Variants in PRR16 observed in about 807,000 individuals in gnomAD.
PRR16 encodes the protein protein Largen.
In PRR16, 6 loss-of-function variants were observed where a neutral mutation model predicts 18.2. The ratio of observed to expected loss-of-function variants is 0.33; its 90% CI spans 0.18 to 0.65. The LOEUF is 0.65. Ranked by LOEUF, PRR16 falls within the 30% of genes least tolerant of loss-of-function variation. The pLI is 0.74. For missense variants in PRR16, 412 were observed against 376.6 expected, an observed-to-expected ratio of 1.09 and a Z score of -0.78; for synonymous variants, 151 against 147.8, an observed-to-expected ratio of 1.02 and a Z score of -0.16.
the PRR16 span, among the ~76,000 whole-genome samples, chr5:120,728,748 G>A: frequency 6.6e-6 from 1 of 152,134 alleles, no homozygotes; most frequent in Admixed American, 6.6e-5. Context: ...GCACTCAAGT[G>A]CCTAATTTTT....
At chr5:120,764,469 G>T in the PRR16 span, among the ~76,000 whole-genome samples, 19 of 151,504 alleles carry the variant, frequency 1.3e-4, no homozygotes, top group Admixed American at 1.3e-3. Flanking sequence ...CTAGTATTTT[G>T]TTGAAGATTT....
At chr5:120,652,003 A>G (rs550376267) in intron 1 of PRR16, among the ~76,000 whole-genome samples, 2 of 151,908 alleles carry the variant, frequency 1.3e-5, no homozygotes, top group South Asian at 4.2e-4. Context: ...CTTTTATTTC[A>G]TTGAGCAGTG....
At chr5:120,656,531 C>T (rs1188944598) in intron 1 of PRR16, among the ~76,000 whole-genome samples, 2 of 149,350 alleles carry the variant, frequency 1.3e-5, no homozygotes, top group Non-Finnish European at 3.0e-5. Context: ...AGGGAAAAAT[C>T]GTTATAAGTA....
the PRR16 span, among the ~76,000 whole-genome samples, chr5:120,764,714 G>C: frequency 9.2e-5 from 14 of 152,154 alleles, no homozygotes; most frequent in African/African-American, 3.4e-4. Context: ...AATGCATTTA[G>C]AAGTTCTTAA....
chr5:120,578,709 T>A (rs1385807365), intron 1 of PRR16, among the ~76,000 whole-genome samples: 1 of 152,182 alleles, frequency 6.6e-6, no homozygotes, highest in African/African-American at 2.4e-5. Flanking sequence ...AGTAAACATA[T>A]GTGTGCATGT....
At chr5:120,754,147 T>A in the PRR16 span, among the ~76,000 whole-genome samples, 4 of 36,298 alleles carry the variant, frequency 1.1e-4, no homozygotes, top group Admixed American at 4.1e-4. Context: ...TAATATATAA[T>A]ATATAAATAT....
At chr5:120,750,966 T>A in the PRR16 span, among the ~76,000 whole-genome samples, 1 of 152,294 alleles carries the variant, frequency 6.6e-6, no homozygotes, top group Middle Eastern at 3.4e-3. Flanking sequence ...CAGCCACTGG[T>A]AACCATCATT....
At chr5:120,706,452 C>A in the PRR16 span, among the ~76,000 whole-genome samples, 1 of 152,112 alleles carries the variant, frequency 6.6e-6, no homozygotes, top group Non-Finnish European at 1.5e-5. Context: ...GCTCCTTCAG[C>A]CTGTTTCTTC....
chr5:120,479,332 A>G (rs1749538683), intron 1 of PRR16, among the ~76,000 whole-genome samples: 1 of 152,106 alleles, frequency 6.6e-6, no homozygotes, highest in African/African-American at 2.4e-5. Context: ...TCTGTCTTTA[A>G]AGACCATGCT....
At chr5:120,513,189 A>C (rs890238507) in intron 1 of PRR16, among the ~76,000 whole-genome samples, 4 of 152,134 alleles carry the variant, frequency 2.6e-5, no homozygotes, top group African/African-American at 9.7e-5. Context: ...ATCTATGCCT[A>C]AAGCAGGATG....
chr5:120,692,325 C>T (rs1342598221), downstream of PRR16, among the ~76,000 whole-genome samples: 1 of 152,140 alleles, frequency 6.6e-6, no homozygotes, highest in Non-Finnish European at 1.5e-5. Context: ...TCAGAGTTCA[C>T]CCTGAGCCTG....
chr5:120,574,038 T>C (rs959371356), intron 1 of PRR16, among the ~76,000 whole-genome samples: 1 of 151,842 alleles, frequency 6.6e-6, no homozygotes, highest in Non-Finnish European at 1.5e-5. Flanking sequence ...AGTAGACAAA[T>C]ACAATTTCAA....
chr5:120,781,769 G>A, the PRR16 span, among the ~76,000 whole-genome samples: 4 of 152,084 alleles, frequency 2.6e-5, no homozygotes, highest in African/African-American at 7.2e-5. Flanking sequence ...GAATACTGAT[G>A]TTTCATGGAC....
the PRR16 span, among the ~76,000 whole-genome samples, chr5:120,783,466 T>A: frequency 6.6e-6 from 1 of 152,264 alleles, no homozygotes; most frequent in East Asian, 1.9e-4. Context: ...CATCATGTTT[T>A]AAAAACTGCA....
chr5:120,597,711 T>A (rs1753858144), intron 1 of PRR16, among the ~76,000 whole-genome samples: 1 of 151,780 alleles, frequency 6.6e-6, no homozygotes, highest in South Asian at 2.1e-4. Context: ...GTAACTATAG[T>A]GTCTGGATAT....
chr5:120,513,547 CTCT>C (rs142747996), intron 1 of PRR16, among the ~76,000 whole-genome samples: 1,681 of 152,190 alleles, frequency 0.011, 37 homozygotes, highest in African/African-American at 0.039. Flanking sequence ...GGAATTTTGT[CTCT>C]TCTTCTCTTT....
chr5:120,547,936 T>C (rs2112694125), intron 1 of PRR16, among the ~76,000 whole-genome samples: 1 of 152,028 alleles, frequency 6.6e-6, no homozygotes, highest in East Asian at 1.9e-4. Flanking sequence ...TTTAGCAATA[T>C]GAAAAAAAAG....
chr5:120,782,870 T>G, the PRR16 span, among the ~76,000 whole-genome samples: 1 of 152,154 alleles, frequency 6.6e-6, no homozygotes, highest in Non-Finnish European at 1.5e-5. Flanking sequence ...AAGTGCATTA[T>G]TTTTCAGGGT....
chr5:120,569,103 A>G (rs562067008), intron 1 of PRR16, among the ~76,000 whole-genome samples: 1 of 152,020 alleles, frequency 6.6e-6, no homozygotes, highest in South Asian at 2.1e-4. Context: ...TTTAGGAGTT[A>G]TTTATTTTTC....
Sources: gnomAD v4.1 joint callset for allele counts (sites outside exome capture counted in the v4.1 genomes callset) on GRCh38, gnomAD v4.1.1 for gene constraint, MANE v1.5 for transcripts, NCBI Gene and HGNC (gene_info 2026-07-23, HGNC 2026-07-21) for gene names.